NAALADL2: variants seen among roughly 807,000 people sequenced by gnomAD.
The protein encoded by NAALADL2 is N-acetylated alpha-linked acidic dipeptidase like 2, also known as inactive N-acetylated-alpha-linked acidic dipeptidase-like protein 2.
In NAALADL2, 76 loss-of-function variants were observed where a neutral mutation model predicts 87.2. That is an observed-to-expected ratio of 0.87 (90% CI 0.72 to 1.05). NAALADL2 has a LOEUF of 1.05. Ranked by LOEUF, NAALADL2 falls within the 50% of genes least tolerant of loss-of-function variation. NAALADL2 has a pLI of 0.00. For missense variants in NAALADL2, 1,089 were observed against 945.8 expected (o/e 1.15, Z -1.99); for synonymous variants, 354 against 331.0 (o/e 1.07, Z -0.75).
chr3:174,587,519 G>T (rs904030258), intron 2 of NAALADL2, among the ~76,000 whole-genome samples: 6 of 152,128 alleles, frequency 3.9e-5, no homozygotes, highest in African/African-American at 1.4e-4. Flanking sequence ...GGTACCTGTT[G>T]TTCCTTTCCA....
intron 9 of NAALADL2, among the ~76,000 whole-genome samples, chr3:175,538,691 G>A (rs75020481): frequency 0.032 from 4,858 of 152,072 alleles, 147 homozygotes; most frequent in African/African-American, 0.078. Context: ...ATCCAAGAAG[G>A]TACAACCTAT....
At chr3:174,542,010 G>A (rs1261228838) in intron 1 of NAALADL2, among the ~76,000 whole-genome samples, 1 of 152,108 alleles carries the variant, frequency 6.6e-6, no homozygotes, top group Non-Finnish European at 1.5e-5. Context: ...TAGGCTGTTG[G>A]CCAACAATAA....
intron 1 of NAALADL2, among the ~76,000 whole-genome samples, chr3:174,917,292 A>G (rs1225660969): frequency 6.6e-6 from 1 of 152,164 alleles, no homozygotes; most frequent in Non-Finnish European, 1.5e-5. Flanking sequence ...TGTTGATGAA[A>G]CAATTCAAAG....
At chr3:175,346,246 C>A (rs766234752) in intron 5 of NAALADL2, among the ~76,000 whole-genome samples, 2 of 152,016 alleles carry the variant, frequency 1.3e-5, no homozygotes, top group South Asian at 2.1e-4. Context: ...ATAAACTTCA[C>A]TGATTTTTTT....
intron 2 of NAALADL2, among the ~76,000 whole-genome samples, chr3:174,576,717 C>T (rs1715563493): frequency 6.6e-6 from 1 of 152,174 alleles, no homozygotes; most frequent in Non-Finnish European, 1.5e-5. Context: ...CTTGCTGCCA[C>T]TCTTTCAAGG....
At chr3:174,726,520 C>T (rs1319225172) in intron 2 of NAALADL2, among the ~76,000 whole-genome samples, 8 of 151,868 alleles carry the variant, frequency 5.3e-5, no homozygotes, top group Non-Finnish European at 4.4e-5. Flanking sequence ...TTTGATGCTC[C>T]TTTAAATTTT....
intron 4 of NAALADL2, among the ~76,000 whole-genome samples, chr3:175,276,470 G>GT (rs1204292313): frequency 6.6e-6 from 1 of 151,754 alleles, no homozygotes; most frequent in Non-Finnish European, 1.5e-5. Flanking sequence ...CGCCTGGCTA[G>GT]TTTTTTGTAT....
At chr3:174,698,198 A>G (rs1015312235) in intron 2 of NAALADL2, among the ~76,000 whole-genome samples, 1 of 151,884 alleles carries the variant, frequency 6.6e-6, no homozygotes, top group African/African-American at 2.4e-5. Flanking sequence ...TGAGTTTAAT[A>G]CTAGAAAAAT....
At chr3:174,662,052 C>T (rs1278182984) in intron 2 of NAALADL2, among the ~76,000 whole-genome samples, 1 of 152,064 alleles carries the variant, frequency 6.6e-6, no homozygotes, top group Non-Finnish European at 1.5e-5. Flanking sequence ...TCAGAGATAG[C>T]CTCAGTTTCA....
chr3:175,114,476 T>C (rs1724758714), intron 2 of NAALADL2, among the ~76,000 whole-genome samples: 1 of 151,696 alleles, frequency 6.6e-6, no homozygotes. Context: ...CTATTATATC[T>C]TTTATTGTCC....
intron 2 of NAALADL2, among the ~76,000 whole-genome samples, chr3:174,594,323 A>G (rs572355115): frequency 1.3e-5 from 2 of 152,276 alleles, no homozygotes; most frequent in South Asian, 2.1e-4. Flanking sequence ...ATGTGTTTTC[A>G]TGCCGATTTC....
intron 9 of NAALADL2, among the ~76,000 whole-genome samples, chr3:175,475,963 T>C (rs1365184983): frequency 6.6e-6 from 1 of 152,188 alleles, no homozygotes. Flanking sequence ...TCTCAAGTGA[T>C]CTTCCTGCCT....
intron 1 of NAALADL2, among the ~76,000 whole-genome samples, chr3:174,541,908 C>T (rs1015948167): frequency 6.1e-5 from 4 of 65,688 alleles, no homozygotes; most frequent in Non-Finnish European, 9.5e-5. Flanking sequence ...GAAAGCATGT[C>T]CATTGAAGCA....
chr3:174,835,501 T>C (rs893313293), intron 3 of NAALADL2, among the ~76,000 whole-genome samples: 2 of 152,076 alleles, frequency 1.3e-5, no homozygotes, highest in African/African-American at 2.4e-5. Context: ...AAAAATAAAT[T>C]GTACTATATC....
chr3:175,075,353 G>T (rs1716407124), intron 1 of NAALADL2, among the ~76,000 whole-genome samples: 1 of 152,084 alleles, frequency 6.6e-6, no homozygotes. Flanking sequence ...TTACATATCA[G>T]TCTTGTTTAT....
chr3:175,508,416 C>T (rs1212842906), intron 9 of NAALADL2, among the ~76,000 whole-genome samples: 1 of 152,158 alleles, frequency 6.6e-6, no homozygotes, highest in Non-Finnish European at 1.5e-5. Flanking sequence ...TTCCAAACAC[C>T]TCAGCTCCTC....
intron 1 of NAALADL2, among the ~76,000 whole-genome samples, chr3:174,501,171 C>T (rs1718862946): frequency 1.4e-5 from 2 of 141,078 alleles, no homozygotes; most frequent in Admixed American, 1.3e-4. Context: ...CTCCGCCTCC[C>T]GGGTTCACGC....
intron 1 of NAALADL2, among the ~76,000 whole-genome samples, chr3:174,979,298 TCTTTTC>T (rs1483154072): frequency 7.9e-6 from 1 of 126,494 alleles, no homozygotes; most frequent in African/African-American, 3.3e-5. Context: ...TTTCTTTCTT[TCTTTTC>T]TTTTTTTTTT....
chr3:175,269,818 G>T (rs1359030021), intron 4 of NAALADL2, among the ~76,000 whole-genome samples: 1 of 152,160 alleles, frequency 6.6e-6, no homozygotes, highest in Non-Finnish European at 1.5e-5. Context: ...AAATATTTAA[G>T]ATAGCTTCTC....
Sources: gnomAD v4.1 joint callset for allele counts (sites outside exome capture counted in the v4.1 genomes callset) on GRCh38, gnomAD v4.1.1 for gene constraint, MANE v1.5 for transcripts, NCBI Gene and HGNC (gene_info 2026-07-23, HGNC 2026-07-21) for gene names.